RAB3IP: variants seen among roughly 807,000 people sequenced by gnomAD.
RAB3IP encodes the protein rab-3A-interacting protein.
In RAB3IP, 36 loss-of-function variants were observed where a neutral mutation model predicts 59.1. The observed-to-expected ratio is 0.61, with a 90% CI of 0.47 to 0.80. The LOEUF (loss-of-function observed/expected upper bound fraction) is 0.80. Among genes scored for constraint, RAB3IP ranks in the 30% least tolerant of loss-of-function variants. The pLI, the probability that RAB3IP is intolerant of heterozygous loss-of-function variation, is 0.00. For synonymous variants in RAB3IP, 207 were observed against 191.2 expected (o/e 1.08, Z -0.68); for missense variants, 511 against 536.0 (o/e 0.95, Z 0.46).
At chr12:69,807,026 AT>A (rs992046556) in intron 8 of RAB3IP, among the ~76,000 whole-genome samples, 1 of 151,128 alleles carries the variant, frequency 6.6e-6, no homozygotes, top group African/African-American at 2.4e-5. Flanking sequence ...TTTTCCCCAC[AT>A]TTCCCCCTTT....
chr12:69,798,911 G>A (rs1172069534), intron 6 of RAB3IP, among the ~76,000 whole-genome samples: 1 of 152,150 alleles, frequency 6.6e-6, no homozygotes, highest in African/African-American at 2.4e-5. Context: ...AATTGGAGAT[G>A]TGACATCTCT....
At chr12:69,753,802 G>GA in intron 1 of RAB3IP, among the ~76,000 whole-genome samples, 1 of 152,258 alleles carries the variant, frequency 6.6e-6, no homozygotes, top group East Asian at 1.9e-4. Flanking sequence ...AGCAGACAGG[G>GA]AAAATCAATA....
chr12:69,754,610 T>A (rs1402065066), intron 1 of RAB3IP, among the ~76,000 whole-genome samples: 1 of 152,182 alleles, frequency 6.6e-6, no homozygotes, highest in Non-Finnish European at 1.5e-5. Context: ...TTGTAAATTC[T>A]TGAAAAATGC....
In RAB3IP at chr12:69,820,897, A is replaced by G. The variant is rs1483505862; in HGVS notation, c.*5451A>G. Reference sequence around the variant, plus strand: ...AAAACCCAAACTCAATAGAAAATCAAGTTTTCATAGTGGTAGTTGTTAACA... The same window carrying G: ...AAAACCCAAACTCAATAGAAAATCAGGTTTTCATAGTGGTAGTTGTTAACA... On this transcript the variant is annotated 3_prime_UTR_variant, in exon 11 of 11. Coordinates refer to ENST00000247833, the MANE Select transcript of RAB3IP (RefSeq NM_022456.5). 1 of 151,552 alleles carries G rather than the reference A, an allele frequency of 6.6e-6. No homozygotes were observed. The highest frequency in any genetic ancestry group is 1.5e-5 in the Non-Finnish European group (1 of 67,954). The allele number at this position is 151,552 out of a possible 1,614,324, so 9.4% of individuals were successfully genotyped here.
rs1881198498 is a variant in RAB3IP, at chr12:69,816,991, T to A, written c.*1545T>A. On this transcript the variant is annotated 3_prime_UTR_variant, in exon 11 of 11. Coordinates refer to ENST00000247833, the MANE Select transcript of RAB3IP (RefSeq NM_022456.5). ...AAACTTTGAACCTACAATTTTATGT[T>A]CTGAAAATAGTTATTCTAATGTGAG... is the stretch of plus-strand genomic sequence containing the variant. 6.6e-6 allele frequency: 1 copy of A among 152,234 alleles called. No homozygotes were observed. The highest frequency in any genetic ancestry group is 2.4e-5 in the African/African-American group (1 of 41,474). The allele number at this position is 152,234 out of a possible 1,614,324, so 9.4% of individuals were successfully genotyped here.
intron 6 of RAB3IP, among the ~76,000 whole-genome samples, chr12:69,797,617 C>A (rs994588247): frequency 3.3e-5 from 5 of 151,472 alleles, no homozygotes; most frequent in Admixed American, 6.6e-5. Flanking sequence ...TGGTGCCCTG[C>A]ACCCACTAAC....
At chr12:69,742,852 T>G (rs954793704) in intron 1 of RAB3IP, among the ~76,000 whole-genome samples, 1 of 152,204 alleles carries the variant, frequency 6.6e-6, no homozygotes, top group Non-Finnish European at 1.5e-5. Flanking sequence ...TAGTCATGGT[T>G]AGAGAAAAGT....
At position 69,795,196 on chromosome 12, in the gene RAB3IP, C is replaced by T. The variant is rs1471299420; in HGVS notation, c.740C>T (p.Ser247Phe). 1 of 1,613,912 alleles carries T rather than the reference C, an allele frequency of 6.2e-7. No individual in the cohort carries two copies. The highest frequency in any genetic ancestry group is 1.1e-5 in the South Asian group (1 of 91,074). The change falls in exon 6 of 11, where the codon TCT becomes TTT. Residue 247 changes from serine (S) to phenylalanine (F), a missense_variant. Coordinates refer to ENST00000247833, the MANE Select transcript of RAB3IP (RefSeq NM_022456.5). ...TTGAAGACACTTGTATTGTCCAGTT[C>T]TCCAACATCACCTACGCAGGAGCCT... The part of the protein sequence containing the change: ...AALKTLVLSS[S>F]PTSPTQEPLP...
chr12:69,739,915 A>G lies in RAB3IP; in HGVS notation c.-26+884A>G, dbSNP rs767077235. 29 of 1,591,354 alleles carry G rather than the reference A, an allele frequency of 1.8e-5. 1 individual carries two copies. The highest frequency in any genetic ancestry group is 2.5e-5 in the Non-Finnish European group (29 of 1,159,776). Reference sequence around the variant, plus strand: ...AGCGCTGAGTTAGTTAGTACTGATTACTGAGAGGCAATTTAGTTTCATGGA... The same window carrying G: ...AGCGCTGAGTTAGTTAGTACTGATTGCTGAGAGGCAATTTAGTTTCATGGA... On this transcript the variant is annotated intron_variant, in intron 1 of 10. Coordinates refer to ENST00000247833, the MANE Select transcript of RAB3IP (RefSeq NM_022456.5).
chr12:69,754,342 G>GAC (rs146834778), intron 1 of RAB3IP, among the ~76,000 whole-genome samples: 8,506 of 149,884 alleles, frequency 0.057, 257 homozygotes, highest in Middle Eastern at 0.073. Flanking sequence ...CAGATACACG[G>GAC]GCACACACAC....
At chr12:69,806,947 A>G (rs1173910001) in intron 8 of RAB3IP, among the ~76,000 whole-genome samples, 1 of 139,740 alleles carries the variant, frequency 7.2e-6, no homozygotes, top group Admixed American at 6.9e-5. Context: ...TTCTTAGTCC[A>G]GAACAAAATG....
chr12:69,770,694 TA>T (rs1872968125), intron 3 of RAB3IP, among the ~76,000 whole-genome samples: 1 of 152,202 alleles, frequency 6.6e-6, no homozygotes, highest in South Asian at 2.1e-4. Context: ...AGTTACCATT[TA>T]AAAAAAAGTT....
chr12:69,770,249 T>C (rs147170329), intron 3 of RAB3IP, among the ~76,000 whole-genome samples: 1 of 152,316 alleles, frequency 6.6e-6, no homozygotes, highest in East Asian at 1.9e-4. Flanking sequence ...ACTCATCCCT[T>C]GGTATCCACT....
intron 3 of RAB3IP, among the ~76,000 whole-genome samples, chr12:69,760,483 G>T (rs1871143731): frequency 6.6e-6 from 1 of 152,190 alleles, no homozygotes; most frequent in Non-Finnish European, 1.5e-5. Flanking sequence ...TTGGGGACTT[G>T]CTCTGTGTGT....
In RAB3IP at chr12:69,789,222, C is replaced by T. The variant is rs376070070; in HGVS notation, c.606+4407C>T. Among the ~76,000 whole-genome samples the T allele has an allele frequency of 5.1e-4, 77 of 151,392 alleles. 1 individual carries two copies. Among genetic ancestry groups the T allele is most frequent in the African/African-American group, 1.7e-3 (72 of 41,306 alleles). On this transcript the variant is annotated intron_variant, in intron 4 of 10. Coordinates refer to ENST00000247833, the MANE Select transcript of RAB3IP (RefSeq NM_022456.5). ...AATAATAGAAAATATTAAGAAAACC[C>T]GAGTTTGTTTCTTGAAAAAAATAAA...
chr12:69,746,339 C>A (rs1292736162), intron 1 of RAB3IP, among the ~76,000 whole-genome samples: 5 of 152,188 alleles, frequency 3.3e-5, no homozygotes, highest in Non-Finnish European at 7.4e-5. Context: ...TTTTCTGTTA[C>A]TGTCTCCTTT....
Position 69,784,186 on chromosome 12 carries a change from A to AT in RAB3IP, c.511-530dup, listed in dbSNP as rs534503118. 8.2e-3 allele frequency among the ~76,000 whole-genome samples: 1,253 copies of AT among 152,184 alleles called. 12 individuals carry two copies. Among genetic ancestry groups the AT allele is most frequent in the Non-Finnish European group, 0.015 (1,039 of 67,966 alleles). On this transcript the variant is annotated intron_variant, in intron 3 of 10. Coordinates refer to ENST00000247833, the MANE Select transcript of RAB3IP (RefSeq NM_022456.5). ...GTGATTTTTGGTAACGTTTTTCTTGATTTTAAATGCAAATATGCATCATTT... is the reference window on the plus strand; with the variant it reads ...GTGATTTTTGGTAACGTTTTTCTTGATTTTTAAATGCAAATATGCATCATTT...
chr12:69,747,331 T>TGTGA (rs1165639333), intron 1 of RAB3IP, among the ~76,000 whole-genome samples: 2,181 of 85,838 alleles, frequency 0.025, 39 homozygotes, highest in African/African-American at 0.071. Context: ...TGTGTGTGTG[T>TGTGA]GAGAGAGAGA....
At chr12:69,754,748 T>C (rs1869917453) in intron 1 of RAB3IP, among the ~76,000 whole-genome samples, 1 of 152,234 alleles carries the variant, frequency 6.6e-6, no homozygotes, top group Admixed American at 6.5e-5. Flanking sequence ...AAATACAATG[T>C]TCTCTGTTAA....
Sources: allele counts gnomAD v4.1 joint callset (sites outside exome capture counted in the v4.1 genomes callset), GRCh38; gene constraint gnomAD v4.1.1; transcripts MANE v1.5; gene names NCBI Gene and HGNC (gene_info 2026-07-23, HGNC 2026-07-21).